PDPN: variants seen among roughly 807,000 people sequenced by gnomAD.
PDPN encodes podoplanin, also known as PA2.26 antigen.
In PDPN, 12 loss-of-function variants were observed where a neutral mutation model predicts 23.2. The ratio of observed to expected loss-of-function variants is 0.52; its 90% CI spans 0.33 to 0.84. The LOEUF (loss-of-function observed/expected upper bound fraction) is 0.84. PDPN is among the 40% of genes least tolerant of loss of function. The pLI is 0.02. For missense variants in PDPN, 199 were observed against 212.2 expected (o/e 0.94, Z 0.39); for synonymous variants, 77 against 76.7 (o/e 1.00, Z -0.02).
At chr1:13,585,481 C>T in intron 1 of PDPN, 2 of 1,334,926 alleles carry the variant, frequency 1.5e-6, no homozygotes, top group Non-Finnish European at 9.9e-7. Flanking sequence ...AGACAATGTG[C>T]AAATGACACC....
At chr1:13,586,904 T>C (rs148411264) in intron 1 of PDPN, among the ~76,000 whole-genome samples, 2,222 of 151,708 alleles carry the variant, frequency 0.015, 59 homozygotes, top group African/African-American at 0.051. Context: ...ATACAAAAAT[T>C]AGTTGGGCAT....
At chr1:13,610,253 T>G in intron 2 of PDPN, 134 bp from the exon 3 acceptor site, 2 of 667,400 alleles carry the variant, frequency 3.0e-6, no homozygotes, top group South Asian at 3.8e-5. Context: ...TCTGTTCATT[T>G]TCTTCTACTT....
chr1:13,584,675 G>A (rs1207675134), intron 1 of PDPN, among the ~76,000 whole-genome samples: 1 of 152,254 alleles, frequency 6.6e-6, no homozygotes, highest in Non-Finnish European at 1.5e-5. Flanking sequence ...AGAGAGGATA[G>A]TGTGTGTGGA....
At chr1:13,608,337 C>T (rs1336871068) in intron 2 of PDPN, among the ~76,000 whole-genome samples, 6 of 152,186 alleles carry the variant, frequency 3.9e-5, no homozygotes, top group African/African-American at 1.4e-4. Flanking sequence ...GGTCAATGAG[C>T]CACATCCTCG....
intron 1 of PDPN, among the ~76,000 whole-genome samples, chr1:13,605,881 A>G (rs889823766): frequency 7.9e-5 from 12 of 152,076 alleles, no homozygotes; most frequent in African/African-American, 2.9e-4. Context: ...TTGGCCTCCT[A>G]AAGTGCTGGG....
chr1:13,614,851 A>G (rs1216584321), intron 5 of PDPN: 1 of 517,040 alleles, frequency 1.9e-6, no homozygotes, highest in Admixed American at 2.0e-5. Flanking sequence ...CCAGAAGGAC[A>G]AATGTCTACT....
At chr1:13,605,180 T>TCTTA (rs1340766853) in intron 1 of PDPN, among the ~76,000 whole-genome samples, 2 of 118,508 alleles carry the variant, frequency 1.7e-5, no homozygotes, top group African/African-American at 6.1e-5. Flanking sequence ...GAATAAGGTA[T>TCTTA]CTTAAGGCAA....
intron 5 of PDPN, chr1:13,614,908 C>A: frequency 2.1e-6 from 1 of 479,498 alleles, no homozygotes; most frequent in Non-Finnish European, 4.1e-6. Context: ...CCAGAGGTGG[C>A]TTGTAAGTTG....
chr1:13,613,279 A>G lies in PDPN; in HGVS notation c.332-408A>G, dbSNP rs545557368. Among the ~76,000 whole-genome samples, 427 of 152,316 alleles carry G rather than the reference A, an allele frequency of 2.8e-3. 1 individual carries two copies. Among genetic ancestry groups the G allele is most frequent in the Non-Finnish European group, 4.8e-3 (329 of 68,028 alleles). The stretch of plus-strand genomic sequence containing the variant: ...TAAAGTATTAATCTCAAAGTGAGTA[A>G]TACCTCTTCACAGTCTGTCCCTTCT... On this transcript the variant is annotated intron_variant, in intron 3 of 5. Transcript: ENST00000621990.
At position 13,605,208 on chromosome 1, in the gene PDPN, T is replaced by C. The variant is rs558492723; in HGVS notation, c.68-1965T>C. ...TAAGGCAAGGAATGGATTGCTGATATAAGTGCTGTCTAAGCAGTGGGGAGA... is the reference window on the plus strand; with the variant it reads ...TAAGGCAAGGAATGGATTGCTGATACAAGTGCTGTCTAAGCAGTGGGGAGA... On this transcript the variant is annotated intron_variant, in intron 1 of 5. Transcript: ENST00000621990. Among the ~76,000 whole-genome samples, 3 of 87,074 alleles carry C rather than the reference T, an allele frequency of 3.4e-5. No individual in the cohort carries two copies. The East Asian group carries it at 8.0e-4, about 23-fold the overall frequency. The allele number at this position is 87,074 out of a possible 152,430, so 57.1% of individuals were successfully genotyped here.
At chr1:13,589,363 T>A (rs915368888) in intron 1 of PDPN, among the ~76,000 whole-genome samples, 4 of 152,250 alleles carry the variant, frequency 2.6e-5, no homozygotes. Flanking sequence ...TGAGCTTGGC[T>A]AATGGGAAAC....
chr1:13,584,206 G>A (rs1169367085), intron 1 of PDPN, 106 bp downstream of exon 1: 2 of 1,521,424 alleles, frequency 1.3e-6, no homozygotes, highest in Admixed American at 1.9e-5. Context: ...AGGGGAGCGC[G>A]GGGGAGCTGA....
At chr1:13,587,396 C>T (rs759035575) in intron 1 of PDPN, among the ~76,000 whole-genome samples, 3 of 152,102 alleles carry the variant, frequency 2.0e-5, no homozygotes, top group Non-Finnish European at 2.9e-5. Flanking sequence ...CAAATTCCAT[C>T]GGCTTATCTG....
In PDPN at chr1:13,585,320, T is replaced by C; in HGVS notation, c.67+1220T>C. On this transcript the variant is annotated intron_variant, in intron 1 of 5. Coordinates refer to ENST00000621990, the MANE Select transcript of PDPN (RefSeq NM_006474.5). ...CCCAATCTCAGGGAAATGACAGAGT[T>C]CTGCTCTATGCTGTGCTGTCTGCTT... 1.3e-5 allele frequency: 4 copies of C among 317,362 alleles called. No homozygotes were observed. In the East Asian group the frequency reaches 3.5e-4, roughly 28 times the overall value. The allele number at this position is 317,362 out of a possible 1,614,324, so 19.7% of individuals were successfully genotyped here.
chr1:13,605,655 G>C (rs1640766034), intron 1 of PDPN, among the ~76,000 whole-genome samples: 1 of 152,028 alleles, frequency 6.6e-6, no homozygotes, highest in Non-Finnish European at 1.5e-5. Flanking sequence ...ACGGAGTCCT[G>C]CTCTGTCACC....
intron 1 of PDPN, among the ~76,000 whole-genome samples, chr1:13,602,461 C>T (rs140490153): frequency 6.6e-6 from 1 of 152,322 alleles, no homozygotes; most frequent in East Asian, 1.9e-4. Flanking sequence ...AAACAACTCG[C>T]TCCACAAATC....
intron 1 of PDPN, among the ~76,000 whole-genome samples, chr1:13,600,331 T>C (rs892780331): frequency 1.3e-5 from 2 of 151,826 alleles, no homozygotes; most frequent in African/African-American, 4.8e-5. Flanking sequence ...TTTGGCTTTG[T>C]GTCCGCTAAT....
At chr1:13,596,474 A>G (rs1640499639) in intron 1 of PDPN, among the ~76,000 whole-genome samples, 1 of 152,206 alleles carries the variant, frequency 6.6e-6, no homozygotes, top group African/African-American at 2.4e-5. Context: ...ACCAGACTCC[A>G]TGGAAGGGGT....
In PDPN at chr1:13,607,993, T is replaced by G. The variant is rs544021539; in HGVS notation, c.201+687T>G. Among the ~76,000 whole-genome samples, 4 of 152,224 alleles carry G rather than the reference T, an allele frequency of 2.6e-5. No individual in the cohort carries two copies. In the East Asian group the frequency reaches 7.7e-4, roughly 29 times the overall value. On this transcript the variant is annotated intron_variant, in intron 2 of 5. Coordinates refer to ENST00000621990, the MANE Select transcript of PDPN (RefSeq NM_006474.5). ...GGCTGTGTGCACCTGTGATCCCAGC[T>G]GCTCGGGAGGCTGAGACAGGAGAAT...
Sources: allele counts gnomAD v4.1 joint callset (sites outside exome capture counted in the v4.1 genomes callset), GRCh38; gene constraint gnomAD v4.1.1; transcripts MANE v1.5; gene names NCBI Gene and HGNC (gene_info 2026-07-23, HGNC 2026-07-21).